The following PCDHGA12 variants were observed in gnomAD, a reference collection of about 807,000 sequenced individuals.
PCDHGA12 encodes the protein protocadherin gamma-A12.
PCDHGA12 carries 43 observed loss-of-function variants against 61.1 expected under a neutral mutation model. The ratio of observed to expected loss-of-function variants is 0.70; its 90% CI spans 0.55 to 0.91. The LOEUF is 0.91. Ranked by LOEUF, PCDHGA12 falls within the 40% of genes least tolerant of loss-of-function variation. The pLI is 0.00. For missense variants in PCDHGA12, 1,236 were observed against 1,227.7 expected (o/e 1.01, Z -0.10); for synonymous variants, 520 against 542.9 (o/e 0.96, Z 0.59).
chr5:141,471,568 A>G (rs947450908), intron 1 of PCDHGA12: 3 of 152,214 alleles, frequency 2.0e-5, no homozygotes, highest in Non-Finnish European at 2.9e-5. Context: ...CAGGGGTAGC[A>G]GTAGATAGGG....
intron 1 of PCDHGA12, among the ~76,000 whole-genome samples, chr5:141,444,257 C>T (rs376980362): frequency 1.2e-4 from 18 of 147,512 alleles, no homozygotes; most frequent in East Asian, 6.0e-4. Context: ...CTGCAACCTC[C>T]GCCTCCCAGG....
intron 3 of PCDHGA12, chr5:141,507,166 GTCC>G (rs1475125845): frequency 6.6e-5 from 10 of 152,288 alleles, no homozygotes; most frequent in Non-Finnish European, 1.2e-4. Context: ...ATGAGAGGCT[GTCC>G]TCTTCCTCGA....
intron 1 of PCDHGA12, among the ~76,000 whole-genome samples, chr5:141,482,828 T>G (rs1274498876): frequency 4.4e-5 from 6 of 135,272 alleles, no homozygotes; most frequent in Non-Finnish European, 9.5e-5. Flanking sequence ...TCCTAGCACT[T>G]TGGGAGGCCA....
rs570809952 is a variant in PCDHGA12 at position 141,463,609 on chromosome 5, C to T, written c.2424+30426C>T. 4.6e-5 allele frequency among the ~76,000 whole-genome samples: 7 copies of T among 151,964 alleles called. No homozygotes were observed. In the East Asian group the frequency reaches 9.7e-4, roughly 21 times the overall value. The stretch of plus-strand genomic sequence containing the variant: ...GACTACAGGTGCCTGCCACCATGCC[C>T]GGCTAATTTTTTGTATTTTGTTTAG... On this transcript the variant is annotated intron_variant, in intron 1 of 3. Coordinates refer to ENST00000252085, the MANE Select transcript of PCDHGA12 (RefSeq NM_003735.3).
At chr5:141,450,815 A>T (rs183350620) in intron 1 of PCDHGA12, among the ~76,000 whole-genome samples, 1,650 of 126,706 alleles carry the variant, frequency 0.013, 15 homozygotes, top group African/African-American at 0.032. Context: ...TATTTATTTA[A>T]TATTATTATT....
intron 1 of PCDHGA12, among the ~76,000 whole-genome samples, chr5:141,473,831 A>G (rs950283433): frequency 1.3e-5 from 2 of 152,252 alleles, no homozygotes; most frequent in African/African-American, 4.8e-5. Context: ...GTGTGATCCA[A>G]TTAAAATTTT....
chr5:141,495,108 C>G (rs1304714928), intron 2 of PCDHGA12, among the ~76,000 whole-genome samples: 1 of 152,176 alleles, frequency 6.6e-6, no homozygotes, highest in Admixed American at 6.5e-5. Context: ...ACGACCGGCA[C>G]CTTTTCCTAT....
intron 1 of PCDHGA12, among the ~76,000 whole-genome samples, chr5:141,435,017 C>T (rs1477938779): frequency 1.3e-5 from 2 of 151,994 alleles, no homozygotes; most frequent in Middle Eastern, 3.2e-3. Flanking sequence ...AATGATAATG[C>T]TCTTTTCCCA....
Position 141,491,622 on chromosome 5 carries a change from C to T in PCDHGA12, c.2425-3185C>T, listed in dbSNP as rs980546113. 15 of 1,613,786 alleles carry T rather than the reference C, an allele frequency of 9.3e-6. No individual in the cohort carries two copies. Among genetic ancestry groups the T allele is most frequent in the Non-Finnish European group, 1.3e-5 (15 of 1,180,002 alleles). Reference sequence around the variant, plus strand: ...ACTTCACTTTTCTAAGACCCCTCAGCGTTCAGCAGCCCACAGCTCTGGCGC... The same window carrying T: ...ACTTCACTTTTCTAAGACCCCTCAGTGTTCAGCAGCCCACAGCTCTGGCGC... On this transcript the variant is annotated intron_variant, in intron 1 of 3. Transcript: ENST00000252085. This position sits in a 1 kb window ranked among gnomAD's most constrained non-coding sequence, Gnocchi z 6.9.
intron 1 of PCDHGA12, among the ~76,000 whole-genome samples, chr5:141,480,274 G>A (rs111260319): frequency 6.6e-6 from 1 of 152,036 alleles, no homozygotes; most frequent in Non-Finnish European, 1.5e-5. Context: ...CATTAGCTGG[G>A]TGTGTTGGCA....
rs1316659737 is a variant in PCDHGA12 at position 141,490,964 on chromosome 5, C to T, written c.2425-3843C>T. ...CCACGGCCAGACTGGGAACACTCAG[C>T]CCCCCAGCGTCTCCCTCGCTCTGCT... On this transcript the variant is annotated intron_variant, in intron 1 of 3. Transcript: ENST00000252085. The surrounding 1 kb of genome is among the most constrained non-coding windows in gnomAD (Gnocchi z 5.4). 2.5e-6 allele frequency: 4 copies of T among 1,613,608 alleles called. No homozygotes were observed. Among genetic ancestry groups the T allele is most frequent in the East Asian group, 2.2e-5 (1 of 44,882 alleles).
chr5:141,494,906 A>T, intron 2 of PCDHGA12, 41 bp downstream of exon 2: 1 of 1,613,800 alleles, frequency 6.2e-7, no homozygotes, highest in Non-Finnish European at 8.5e-7. Flanking sequence ...TCTCTGCGGC[A>T]TTTTCTCAGG....
intron 1 of PCDHGA12, among the ~76,000 whole-genome samples, chr5:141,472,001 G>A (rs992798148): frequency 1.1e-4 from 17 of 152,022 alleles, no homozygotes; most frequent in East Asian, 3.9e-4. Context: ...TCCCTGCATC[G>A]TATAGGGGCA....
chr5:141,494,712 C>T, intron 1 of PCDHGA12, 95 bp from the exon 2 acceptor site: 1 of 1,603,048 alleles, frequency 6.2e-7, no homozygotes, highest in Non-Finnish European at 8.5e-7. Context: ...TCTGTGCCCA[C>T]TCCCCTCCTT....
At chr5:141,447,121 T>C (rs1341601610) in intron 1 of PCDHGA12, among the ~76,000 whole-genome samples, 1 of 152,104 alleles carries the variant, frequency 6.6e-6, no homozygotes, top group Non-Finnish European at 1.5e-5. Flanking sequence ...CTCCATGGAT[T>C]TTTTTGTTTG....
In PCDHGA12 at chr5:141,486,546, G is replaced by A. The variant is rs1156517969; in HGVS notation, c.2425-8261G>A. Reference sequence around the variant, plus strand: ...GATAATCCACCCTCTTTCTTTCAGAGGTCACATGAGGTGTTTGTTCCTGAG... The same window carrying A: ...GATAATCCACCCTCTTTCTTTCAGAAGTCACATGAGGTGTTTGTTCCTGAG... On this transcript the variant is annotated intron_variant, in intron 1 of 3. Coordinates refer to ENST00000252085, the MANE Select transcript of PCDHGA12 (RefSeq NM_003735.3). The surrounding 1 kb of genome is among the most constrained non-coding windows in gnomAD (Gnocchi z 5.0). 3 of 1,614,084 alleles carry A rather than the reference G, an allele frequency of 1.9e-6. No homozygotes were observed. The East Asian group carries it at 6.7e-5, about 36-fold the overall frequency.
At chr5:141,441,537 C>A in intron 1 of PCDHGA12, 1 of 173,250 alleles carries the variant, frequency 5.8e-6, no homozygotes, top group Non-Finnish European at 1.2e-5. Context: ...ACAATCTTCC[C>A]AAAGCCTCCA....
intron 1 of PCDHGA12, chr5:141,479,313 G>C (rs926148640): frequency 2.0e-5 from 3 of 152,456 alleles, no homozygotes; most frequent in Non-Finnish European, 2.9e-5. Context: ...AAAACATAAA[G>C]TAGCCAGACT....
rs1236961370 is a variant in PCDHGA12, at chr5:141,512,621, C to T, written c.*1448C>T. 1 of 152,964 alleles carries T rather than the reference C, an allele frequency of 6.5e-6. No homozygotes were observed. The highest frequency in any genetic ancestry group is 1.5e-5 in the Non-Finnish European group (1 of 68,612). 9.5% of individuals were successfully genotyped at this position (152,964 alleles called of 1,614,324 possible). A position where few individuals can be genotyped will look rare whatever the true frequency, so the allele number is the denominator to read the frequency against. Reference sequence around the variant, plus strand: ...CCATCCAGCGGGGCTGCCAGAGAACCCCAGACCTGCCCTTACAGTAGTGTA... The same window carrying T: ...CCATCCAGCGGGGCTGCCAGAGAACTCCAGACCTGCCCTTACAGTAGTGTA... On this transcript the variant is annotated 3_prime_UTR_variant, in exon 4 of 4. Coordinates refer to ENST00000252085, the MANE Select transcript of PCDHGA12 (RefSeq NM_003735.3).
Sources: allele counts gnomAD v4.1 joint callset (sites outside exome capture counted in the v4.1 genomes callset), GRCh38; gene constraint gnomAD v4.1.1; non-coding constraint Gnocchi (gnomAD v3.1); transcripts MANE v1.5; gene names NCBI Gene and HGNC (gene_info 2026-07-23, HGNC 2026-07-21).